Variants in ZCCHC10 observed in about 807,000 individuals in gnomAD.
ZCCHC10 encodes the protein zinc finger CCHC-type containing 10.
Under a neutral mutation model 19.5 loss-of-function variants are expected in ZCCHC10, and 16 were observed. That is an observed-to-expected ratio of 0.82 (90% CI 0.56 to 1.25). ZCCHC10 has a LOEUF of 1.25. Among genes scored for constraint, ZCCHC10 ranks in the 50% most tolerant of loss-of-function variants. The pLI is 0.00. For missense variants in ZCCHC10, 197 were observed against 201.0 expected (o/e 0.98, Z 0.12); for synonymous variants, 67 against 72.5 (o/e 0.92, Z 0.38).
intron 2 of ZCCHC10, among the ~76,000 whole-genome samples, chr5:133,012,856 C>T (rs1223200769): frequency 1.3e-5 from 2 of 152,034 alleles, no homozygotes; most frequent in South Asian, 2.1e-4. Flanking sequence ...GGAGACCATC[C>T]TGGCTAACAC....
intron 1 of ZCCHC10, among the ~76,000 whole-genome samples, chr5:133,025,487 G>A (rs545399560): frequency 1.8e-5 from 2 of 112,926 alleles, no homozygotes; most frequent in Non-Finnish European, 3.3e-5. Context: ...CTGGGAGACA[G>A]AGCAAGACTC....
intron 2 of ZCCHC10, among the ~76,000 whole-genome samples, chr5:133,018,305 G>A (rs988767193): frequency 2.0e-5 from 3 of 150,780 alleles, no homozygotes; most frequent in African/African-American, 7.3e-5. Flanking sequence ...TCAGCAAGCT[G>A]ATTTTTTTTT....
intron 1 of ZCCHC10, among the ~76,000 whole-genome samples, chr5:133,023,672 G>A (rs1764480015): frequency 6.6e-6 from 1 of 151,772 alleles, no homozygotes; most frequent in Non-Finnish European, 1.5e-5. Context: ...AAAGGAGGCT[G>A]AGGCAGGAGA....
intron 1 of ZCCHC10, 81 bp downstream of exon 1, chr5:133,026,416 A>G (rs2126673839): frequency 4.5e-6 from 7 of 1,553,060 alleles, no homozygotes; most frequent in Non-Finnish European, 5.3e-6. Flanking sequence ...GCCGGTCCCA[A>G]TAGGGGTCCG....
At chr5:133,025,522 A>G (rs1358141235) in intron 1 of ZCCHC10, among the ~76,000 whole-genome samples, 3 of 148,350 alleles carry the variant, frequency 2.0e-5, no homozygotes, top group Admixed American at 6.7e-5. Flanking sequence ...AAAAAAAAAA[A>G]AAAAAAAAAA....
Position 133,008,927 on chromosome 5 carries a change from C to A in ZCCHC10, c.108-2007G>T, listed in dbSNP as rs536484026. Among the ~76,000 whole-genome samples the A allele has an allele frequency of 1.8e-4, 27 of 152,106 alleles. 1 individual carries two copies. In the South Asian group the frequency reaches 5.6e-3, roughly 32 times the overall value. On this transcript the variant is annotated intron_variant, in intron 2 of 4. Transcript: ENST00000509437. The stretch of plus-strand genomic sequence containing the variant: ...ACTTGGGAAGCTGAGATAGGAGGTG[C>A]AATTGAGCCCAGGAGTTTGAGGCTA...
Position 132,998,480 on chromosome 5 carries a change from A to T in ZCCHC10, c.*103T>A. 2 of 986,690 alleles carry T rather than the reference A, an allele frequency of 2.0e-6. No homozygotes were observed. Among genetic ancestry groups the T allele is most frequent in the Non-Finnish European group, 2.9e-6 (2 of 679,446 alleles). The allele number at this position is 986,690 out of a possible 1,614,324, so 61.1% of individuals were successfully genotyped here. A position where few individuals can be genotyped will look rare whatever the true frequency, so the allele number is the denominator to read the frequency against. Reference sequence around the variant, plus strand: ...CATTTAGAAACTTTTGAATTCTAGAAATGTTCACCAGTTAACCTACTTGGC... The same window carrying T: ...CATTTAGAAACTTTTGAATTCTAGATATGTTCACCAGTTAACCTACTTGGC... On this transcript the variant is annotated 3_prime_UTR_variant, in exon 5 of 5. Coordinates refer to ENST00000509437, the MANE Select transcript of ZCCHC10 (RefSeq NM_001300816.3).
chr5:133,023,080 T>G (rs530641014), intron 1 of ZCCHC10, among the ~76,000 whole-genome samples, 174 bp from the exon 2 acceptor site: 1 of 152,282 alleles, frequency 6.6e-6, no homozygotes, highest in Admixed American at 6.5e-5. Flanking sequence ...GAAATGGGGT[T>G]TAACTTTATA....
chr5:132,999,938 C>T (rs868603557), intron 4 of ZCCHC10, among the ~76,000 whole-genome samples, 194 bp downstream of exon 4: 3 of 152,200 alleles, frequency 2.0e-5, no homozygotes, highest in South Asian at 2.1e-4. Context: ...AGTAGAGACA[C>T]GGTTTCACCA....
intron 2 of ZCCHC10, among the ~76,000 whole-genome samples, chr5:133,008,515 G>A (rs1300252443): frequency 7.1e-6 from 1 of 141,048 alleles, no homozygotes; most frequent in East Asian, 2.1e-4. Flanking sequence ...TCCAGCCTGG[G>A]CAACAGGGTG....
chr5:133,016,946 G>A (rs1763965238), intron 2 of ZCCHC10, among the ~76,000 whole-genome samples: 1 of 148,020 alleles, frequency 6.8e-6, no homozygotes, highest in Admixed American at 6.9e-5. Context: ...GCCCCCCCCA[G>A]ACACATTTCT....
intron 2 of ZCCHC10, among the ~76,000 whole-genome samples, chr5:133,017,830 G>A (rs182403430): frequency 3.3e-5 from 5 of 152,172 alleles, no homozygotes; most frequent in Admixed American, 2.6e-4. Flanking sequence ...CAAATTGAAC[G>A]ATTGAACGAT....
chr5:133,003,844 G>A (rs1762932130), intron 3 of ZCCHC10, among the ~76,000 whole-genome samples: 1 of 152,096 alleles, frequency 6.6e-6, no homozygotes, highest in Non-Finnish European at 1.5e-5. Context: ...CCAAGTAGCT[G>A]CGATTACAGG....
chr5:132,999,453 T>C (rs779761226), intron 4 of ZCCHC10, among the ~76,000 whole-genome samples: 6 of 152,182 alleles, frequency 3.9e-5, no homozygotes, highest in African/African-American at 7.2e-5. Flanking sequence ...AGTATAACAA[T>C]TGGGTCTATT....
intron 2 of ZCCHC10, among the ~76,000 whole-genome samples, chr5:133,018,696 C>G (rs975964481): frequency 7.2e-5 from 11 of 152,178 alleles, no homozygotes; most frequent in African/African-American, 2.7e-4. Context: ...GCGTGAGCCA[C>G]CACGTCCAGC....
At chr5:133,026,364 C>T (rs1268595719) in intron 1 of ZCCHC10, 133 bp downstream of exon 1, 2 of 1,296,712 alleles carry the variant, frequency 1.5e-6, no homozygotes, top group Non-Finnish European at 1.1e-6. Flanking sequence ...GGGCCCGAGC[C>T]CCCCGGGAGC....
At chr5:133,025,294 G>C (rs921337968) in intron 1 of ZCCHC10, among the ~76,000 whole-genome samples, 3 of 151,916 alleles carry the variant, frequency 2.0e-5, no homozygotes, top group Non-Finnish European at 4.4e-5. Flanking sequence ...CTCGAGGTCA[G>C]GGGATCGAGA....
At chr5:133,007,000 G>A (rs2126576838) in intron 2 of ZCCHC10, 80 bp from the exon 3 acceptor site, 1 of 1,336,392 alleles carries the variant, frequency 7.5e-7, no homozygotes, top group Non-Finnish European at 9.9e-7. Flanking sequence ...AAAATATAAA[G>A]GATAAAATTA....
At chr5:133,016,008 TCA>T (rs982171213) in intron 2 of ZCCHC10, among the ~76,000 whole-genome samples, 25 of 152,340 alleles carry the variant, frequency 1.6e-4, no homozygotes, top group African/African-American at 4.3e-4. Flanking sequence ...GCTCAAATTG[TCA>T]CAGTTTTGGT....
Sources: allele counts gnomAD v4.1 joint callset (sites outside exome capture counted in the v4.1 genomes callset), GRCh38; gene constraint gnomAD v4.1.1; transcripts MANE v1.5; gene names NCBI Gene and HGNC (gene_info 2026-07-23, HGNC 2026-07-21).